Variants in SUMF1 observed in about 807,000 individuals in gnomAD.
SUMF1 encodes formylglycine-generating enzyme.
In SUMF1, 48 loss-of-function variants were observed where a neutral mutation model predicts 47.6. The observed-to-expected ratio is 1.01, with a 90% CI of 0.80 to 1.28. The LOEUF (loss-of-function observed/expected upper bound fraction) is 1.28, where lower values mean the gene tolerates loss of function less well. SUMF1 is among the 50% of genes most tolerant of loss of function. The pLI is 0.00. For synonymous variants in SUMF1, 230 were observed against 192.1 expected (o/e 1.20, Z -1.63); for missense variants, 571 against 485.4 (o/e 1.18, Z -1.66).
rs138360103 is a variant in SUMF1 at position 4,222,967 on chromosome 3, A to C, written c.1014+153363T>G. Among the ~76,000 whole-genome samples, 623 of 152,266 alleles carry C rather than the reference A, an allele frequency of 4.1e-3. 3 individuals carry two copies. The highest frequency in any genetic ancestry group is 0.014 in the African/African-American group (569 of 41,574). ...TGCAGAAGCCTGAGAGATAAATTAG[A>C]ATACAAAGTAATCTGCATAGGATGA... On this transcript the variant is annotated intron_variant and NMD_transcript_variant, in intron 8 of 12. Transcript: ENST00000448413.
intron 3 of SUMF1, among the ~76,000 whole-genome samples, chr3:4,438,000 C>G (rs1045942908): frequency 9.9e-5 from 15 of 151,458 alleles, no homozygotes; most frequent in African/African-American, 3.4e-4. Flanking sequence ...ATATATTAGA[C>G]AAATACTAAC....
At chr3:4,289,759 G>A (rs1017198450) in intron 8 of SUMF1, among the ~76,000 whole-genome samples, 2 of 150,964 alleles carry the variant, frequency 1.3e-5, no homozygotes, top group African/African-American at 5.0e-5. Flanking sequence ...AGAGCACTCT[G>A]TAAACTAAAC....
intron 1 of SUMF1, among the ~76,000 whole-genome samples, chr3:4,460,963 C>T (rs1575256370): frequency 6.6e-6 from 1 of 152,060 alleles, no homozygotes. Flanking sequence ...CCCAAAGTAT[C>T]TTAATTCTGT....
intron 8 of SUMF1, among the ~76,000 whole-genome samples, chr3:4,228,329 T>A (rs1431008771): frequency 6.6e-6 from 1 of 152,044 alleles, no homozygotes; most frequent in South Asian, 2.1e-4. Context: ...ACCCTTTGTA[T>A]ATACACATCT....
rs556280102 is a variant in SUMF1 at position 4,267,583 on chromosome 3, A to G, written c.1014+108747T>C. Among the ~76,000 whole-genome samples the G allele has an allele frequency of 6.6e-5, 10 of 152,282 alleles. No homozygotes were observed. The South Asian group carries it at 1.7e-3, about 25-fold the overall frequency. ...GATCGGTGGTGGGCGAAGGACATGAACAGACACTTCTCAAAAGAAGACATT... is the reference window on the plus strand; with the variant it reads ...GATCGGTGGTGGGCGAAGGACATGAGCAGACACTTCTCAAAAGAAGACATT... On this transcript the variant is annotated intron_variant and NMD_transcript_variant, in intron 8 of 12. Coordinates refer to the SUMF1 transcript ENST00000448413.
At chr3:4,244,470 C>A (rs1320353085) in intron 8 of SUMF1, among the ~76,000 whole-genome samples, 2 of 152,308 alleles carry the variant, frequency 1.3e-5, no homozygotes, top group African/African-American at 2.4e-5. Context: ...CAAAATCTCT[C>A]AGCATTTGCT....
At chr3:4,227,801 G>A (rs1446683082) in intron 8 of SUMF1, among the ~76,000 whole-genome samples, 1 of 152,178 alleles carries the variant, frequency 6.6e-6, no homozygotes, top group East Asian at 1.9e-4. Flanking sequence ...AGCCAGTCAT[G>A]CTTGAGGTCA....
Position 4,141,317 on chromosome 3 carries a change from T to C in SUMF1, c.1015-72572A>G, listed in dbSNP as rs112749299. On this transcript the variant is annotated intron_variant and NMD_transcript_variant, in intron 8 of 12. Transcript: ENST00000448413. ...GGCATTTGTGTAAACAAAAGATTTA[T>C]TGAAATGGCCAAGGGGGAGAAGAAA... 1.4e-3 allele frequency among the ~76,000 whole-genome samples: 216 copies of C among 152,268 alleles called. 2 individuals are homozygous for C. Among genetic ancestry groups the C allele is most frequent in the African/African-American group, 4.6e-3 (190 of 41,558 alleles).
chr3:4,097,236 G>C (rs1290202375), intron 8 of SUMF1, among the ~76,000 whole-genome samples: 3 of 152,072 alleles, frequency 2.0e-5, no homozygotes, highest in Non-Finnish European at 4.4e-5. Flanking sequence ...TATACCTACT[G>C]TAAGTTTATT....
chr3:4,221,587 A>G lies in SUMF1; in HGVS notation c.1015-152842T>C, dbSNP rs183357265. 9.2e-4 allele frequency among the ~76,000 whole-genome samples: 140 copies of G among 152,188 alleles called. 1 individual carries two copies. The highest frequency in any genetic ancestry group is 5.4e-3 in the Admixed American group (82 of 15,266). ...CTTATCATCATCTAATTCAAGATCC[A>G]TTACAATGTGGACCTATCATTCACT... On this transcript the variant is annotated intron_variant and NMD_transcript_variant, in intron 8 of 12. Coordinates refer to the SUMF1 transcript ENST00000448413.
intron 8 of SUMF1, among the ~76,000 whole-genome samples, chr3:4,214,327 T>C (rs1208424456): frequency 6.6e-6 from 1 of 151,966 alleles, no homozygotes; most frequent in African/African-American, 2.4e-5. Flanking sequence ...AATAACAAAA[T>C]GAAGGCACAA....
At chr3:4,436,476 A>G (rs568963207) in intron 3 of SUMF1, among the ~76,000 whole-genome samples, 1 of 152,166 alleles carries the variant, frequency 6.6e-6, no homozygotes, top group Non-Finnish European at 1.5e-5. Flanking sequence ...GTTAAGAGAC[A>G]TTGGAAGATG....
At chr3:4,394,433 T>C (rs1004292835) in intron 7 of SUMF1, among the ~76,000 whole-genome samples, 8 of 152,084 alleles carry the variant, frequency 5.3e-5, no homozygotes, top group South Asian at 2.1e-4. Flanking sequence ...GTTGGGATTA[T>C]AGGCATGAGC....
At chr3:4,206,472 C>T (rs1416636202) in intron 8 of SUMF1, among the ~76,000 whole-genome samples, 2 of 152,140 alleles carry the variant, frequency 1.3e-5, no homozygotes, top group African/African-American at 2.4e-5. Context: ...CTGCCCTTCA[C>T]TGTTACTGGG....
At chr3:4,095,427 T>C (rs935948132) in intron 8 of SUMF1, among the ~76,000 whole-genome samples, 2 of 152,078 alleles carry the variant, frequency 1.3e-5, no homozygotes, top group African/African-American at 2.4e-5. Flanking sequence ...AAGAATGAGA[T>C]TGATGATAGA....
intron 8 of SUMF1, among the ~76,000 whole-genome samples, chr3:4,280,025 G>A (rs1186166640): frequency 6.6e-6 from 1 of 152,062 alleles, no homozygotes; most frequent in African/African-American, 2.4e-5. Flanking sequence ...GATGACACTA[G>A]CCATCTGTAA....
chr3:4,111,588 C>T (rs1428075926), intron 8 of SUMF1, among the ~76,000 whole-genome samples: 3 of 151,694 alleles, frequency 2.0e-5, no homozygotes, highest in South Asian at 2.1e-4. Context: ...GGTAGTGGTG[C>T]GCACCTGCCT....
intron 8 of SUMF1, among the ~76,000 whole-genome samples, chr3:4,187,457 T>A (rs906311225): frequency 7.9e-5 from 12 of 152,196 alleles, no homozygotes; most frequent in Admixed American, 7.9e-4. Flanking sequence ...TTCAGAGGAC[T>A]GTGGGCTTCT....
chr3:4,177,321 G>C (rs915322031), intron 8 of SUMF1, among the ~76,000 whole-genome samples: 1 of 152,072 alleles, frequency 6.6e-6, no homozygotes, highest in Non-Finnish European at 1.5e-5. Flanking sequence ...TAAAAGAAAA[G>C]AAATCACAAA....
Sources: gnomAD v4.1 joint callset for allele counts (sites outside exome capture counted in the v4.1 genomes callset) on GRCh38, gnomAD v4.1.1 for gene constraint, MANE v1.5 for transcripts, NCBI Gene and HGNC (gene_info 2026-07-23, HGNC 2026-07-21) for gene names.